The following TENM3 variants were observed in gnomAD, a reference collection of about 807,000 sequenced individuals.
TENM3 encodes teneurin transmembrane protein 3, also known as teneurin-3.
Under a neutral mutation model 255.1 loss-of-function variants are expected in TENM3, and 63 were observed. The ratio of observed to expected loss-of-function variants is 0.25; its 90% CI spans 0.20 to 0.30. The LOEUF (loss-of-function observed/expected upper bound fraction) is 0.30. TENM3 is among the 10% of genes least tolerant of loss of function. TENM3 has a pLI of 1.00. For synonymous variants in TENM3, 1,306 were observed against 1,322.3 expected, an observed-to-expected ratio of 0.99 and a Z score of 0.27; for missense variants, 2,929 against 3,461.1, an observed-to-expected ratio of 0.85 and a Z score of 3.86.
In TENM3 at chr4:182,269,540, G is replaced by A. The variant is rs535866934; in HGVS notation, c.-76+26064G>A. ...AAGGAATCAGCCCCTCCCTGTACAG[G>A]CCCCCTCCCCTTTATAGATCTAAAA... On this transcript the variant is annotated intron_variant, in intron 1 of 27. Coordinates refer to ENST00000511685, the MANE Select transcript of TENM3 (RefSeq NM_001080477.4). Among the ~76,000 whole-genome samples the A allele has an allele frequency of 1.5e-4, 23 of 151,918 alleles. No homozygotes were observed. In the South Asian group the frequency reaches 4.8e-3, roughly 32 times the overall value.
At chr4:182,230,406 A>G (rs1334509948) in intron 1 of TENM3, among the ~76,000 whole-genome samples, 1 of 152,076 alleles carries the variant, frequency 6.6e-6, no homozygotes. Flanking sequence ...TGGGGACGTG[A>G]CGTTTCCTCC....
the TENM3 span, among the ~76,000 whole-genome samples, chr4:181,616,350 T>C: frequency 7.8e-6 from 1 of 128,988 alleles, no homozygotes; most frequent in Non-Finnish European, 1.6e-5. Flanking sequence ...CACACACACG[T>C]ATGCATATAT....
the TENM3 span, among the ~76,000 whole-genome samples, chr4:181,861,591 CT>C: frequency 2.6e-5 from 4 of 151,866 alleles, no homozygotes; most frequent in Non-Finnish European, 4.4e-5. Context: ...TTTTTTCTTT[CT>C]ATCTTCCAAC....
the TENM3 span, among the ~76,000 whole-genome samples, chr4:182,110,601 C>T: frequency 6.6e-6 from 1 of 152,166 alleles, no homozygotes; most frequent in African/African-American, 2.4e-5. Context: ...GCTGGGATTA[C>T]AGGTATGTGC....
intron 3 of TENM3, among the ~76,000 whole-genome samples, chr4:182,469,131 T>C (rs1313848875): frequency 6.6e-6 from 1 of 152,176 alleles, no homozygotes; most frequent in Non-Finnish European, 1.5e-5. Flanking sequence ...ACATTATTTG[T>C]GATTAGTTTA....
chr4:181,979,097 CATATATATATATATATATATAT>C, the TENM3 span, among the ~76,000 whole-genome samples: 1,742 of 30,376 alleles, frequency 0.057, 61 homozygotes, highest in Middle Eastern at 0.11. Context: ...TTAAGCCTGA[CATATATATATATATATATATAT>C]ATATATATAT....
chr4:182,335,224 C>T (rs112500619), intron 2 of TENM3, among the ~76,000 whole-genome samples: 31,974 of 149,792 alleles, frequency 0.21, 3,586 homozygotes, highest in East Asian at 0.36. Flanking sequence ...AGCGGCCGGG[C>T]GCGGTGGCTC....
the TENM3 span, among the ~76,000 whole-genome samples, chr4:181,540,552 A>C: frequency 1.3e-5 from 2 of 152,196 alleles, no homozygotes; most frequent in Non-Finnish European, 2.9e-5. Context: ...GCAAGCTGAC[A>C]CCAACAACAT....
chr4:181,537,277 C>A, the TENM3 span, among the ~76,000 whole-genome samples: 1 of 152,140 alleles, frequency 6.6e-6, no homozygotes, highest in East Asian at 1.9e-4. Context: ...ATTATGACTG[C>A]AATTTACCCT....
At chr4:181,510,260 G>A in the TENM3 span, among the ~76,000 whole-genome samples, 2 of 151,980 alleles carry the variant, frequency 1.3e-5, no homozygotes, top group African/African-American at 2.4e-5. Flanking sequence ...CATTGATATG[G>A]TATTTAGGCC....
chr4:181,848,409 C>T, the TENM3 span, among the ~76,000 whole-genome samples: 2 of 152,118 alleles, frequency 1.3e-5, no homozygotes, highest in African/African-American at 4.8e-5. Context: ...ACAACAGACA[C>T]GAGCTCTTCT....
the TENM3 span, among the ~76,000 whole-genome samples, chr4:181,549,464 G>A: frequency 3.3e-5 from 5 of 152,326 alleles, no homozygotes; most frequent in South Asian, 1.0e-3. Context: ...ACCAGAGCCT[G>A]CATGAAGCCA....
intron 1 of TENM3, among the ~76,000 whole-genome samples, chr4:182,200,985 C>A (rs1185202269): frequency 4.6e-5 from 7 of 152,022 alleles, no homozygotes; most frequent in Non-Finnish European, 8.8e-5. Flanking sequence ...CCACCACGCC[C>A]AGCTAATTTT....
the TENM3 span, among the ~76,000 whole-genome samples, chr4:181,758,638 G>A: frequency 7.9e-5 from 12 of 152,262 alleles, no homozygotes; most frequent in Admixed American, 3.9e-4. Flanking sequence ...ATAAATAAAA[G>A]AATCACTGCG....
chr4:181,816,360 A>G, the TENM3 span, among the ~76,000 whole-genome samples: 8 of 152,238 alleles, frequency 5.3e-5, no homozygotes, highest in East Asian at 1.5e-3. Context: ...TTAAAATCTT[A>G]TTATTAAGAA....
the TENM3 span, among the ~76,000 whole-genome samples, chr4:182,105,553 T>C: frequency 6.6e-6 from 1 of 152,156 alleles, no homozygotes; most frequent in African/African-American, 2.4e-5. Context: ...ACAGATCAAA[T>C]GCAGCCAAAG....
chr4:182,059,567 A>G, the TENM3 span, among the ~76,000 whole-genome samples: 1 of 151,836 alleles, frequency 6.6e-6, no homozygotes, highest in Non-Finnish European at 1.5e-5. Context: ...GCACCCATCC[A>G]TCTTGAAGAC....
the TENM3 span, among the ~76,000 whole-genome samples, chr4:182,052,811 C>T: frequency 6.7e-6 from 1 of 150,100 alleles, no homozygotes; most frequent in Admixed American, 6.6e-5. Flanking sequence ...AGAATATAAA[C>T]TCATTTCTCC....
intron 1 of TENM3, among the ~76,000 whole-genome samples, chr4:182,174,712 A>G (rs1752343488): frequency 6.6e-6 from 1 of 152,282 alleles, no homozygotes; most frequent in Middle Eastern, 3.4e-3. Context: ...ATTAATCTGG[A>G]GATTCCTTGT....
Sources: gnomAD v4.1 joint callset for allele counts (sites outside exome capture counted in the v4.1 genomes callset) on GRCh38, gnomAD v4.1.1 for gene constraint, MANE v1.5 for transcripts, NCBI Gene and HGNC (gene_info 2026-07-23, HGNC 2026-07-21) for gene names.